Variants in NFIA observed in about 807,000 individuals in gnomAD.
The protein encoded by NFIA is nuclear factor 1 A-type.
NFIA carries 8 observed loss-of-function variants against 62.8 expected under a neutral mutation model. The ratio of observed to expected loss-of-function variants is 0.13; its 90% confidence interval spans 0.07 to 0.23. NFIA has a LOEUF of 0.23. NFIA is among the 10% of genes least tolerant of loss of function. The probability of loss-of-function intolerance (pLI) is 1.00; values close to 1 mark genes in which losing one functional copy is unlikely to be tolerated. For missense variants in NFIA, 410 were observed against 642.1 expected (o/e 0.64, Z 3.91); for synonymous variants, 235 against 238.1 (o/e 0.99, Z 0.12).
chr1:61,303,389 A>G (rs1433733357), intron 3 of NFIA, among the ~76,000 whole-genome samples: 3 of 152,258 alleles, frequency 2.0e-5, no homozygotes, highest in African/African-American at 7.2e-5. Flanking sequence ...TATCTAGTGC[A>G]TGAGATGATA....
At chr1:61,212,496 A>G (rs1035414566) in intron 2 of NFIA, among the ~76,000 whole-genome samples, 3 of 152,218 alleles carry the variant, frequency 2.0e-5, no homozygotes, top group African/African-American at 7.2e-5. Context: ...TGAATAATTG[A>G]ATTAATGAAT....
At chr1:61,276,914 A>G (rs534796215) in intron 2 of NFIA, among the ~76,000 whole-genome samples, 1 of 152,214 alleles carries the variant, frequency 6.6e-6, no homozygotes, top group Non-Finnish European at 1.5e-5. Flanking sequence ...CAAGAAAAAA[A>G]TAATTCTTAT....
intron 2 of NFIA, among the ~76,000 whole-genome samples, chr1:61,099,003 A>C (rs918996648): frequency 1.3e-5 from 2 of 152,206 alleles, no homozygotes; most frequent in Non-Finnish European, 2.9e-5. Context: ...TTGAAGAACT[A>C]ATTGTTCTAA....
At chr1:61,256,545 G>A (rs968520994) in intron 2 of NFIA, among the ~76,000 whole-genome samples, 2 of 152,048 alleles carry the variant, frequency 1.3e-5, no homozygotes, top group African/African-American at 4.8e-5. Flanking sequence ...TGGGCCGTGG[G>A]TTGGACGAGC....
At chr1:61,125,658 A>G (rs1296139523) in intron 2 of NFIA, among the ~76,000 whole-genome samples, 1 of 152,228 alleles carries the variant, frequency 6.6e-6, no homozygotes, top group African/African-American at 2.4e-5. Flanking sequence ...TTTGAAATAA[A>G]GTGGAATGAG....
chr1:61,459,865 A>G lies in NFIA; in HGVS notation c.*4545A>G, dbSNP rs561562814. The G allele has an allele frequency of 6.6e-6, 1 of 152,186 alleles. No individual in the cohort carries two copies. Among genetic ancestry groups the G allele is most frequent in the Admixed American group, 6.5e-5 (1 of 15,294 alleles). The allele number at this position is 152,186 out of a possible 1,614,324, so 9.4% of individuals were successfully genotyped here. A position where few individuals can be genotyped will look rare whatever the true frequency, so the allele number is the denominator to read the frequency against. Reference sequence around the variant, plus strand: ...GGATTCTAAGAATGTCATTTAATGTACTTTGCATCATGTCTCTAGAAATAT... The same window carrying G: ...GGATTCTAAGAATGTCATTTAATGTGCTTTGCATCATGTCTCTAGAAATAT... On this transcript the variant is annotated 3_prime_UTR_variant, in exon 11 of 11. Transcript: ENST00000403491.
At chr1:61,363,741 A>G (rs1203874481) in intron 6 of NFIA, among the ~76,000 whole-genome samples, 1 of 152,166 alleles carries the variant, frequency 6.6e-6, no homozygotes, top group Non-Finnish European at 1.5e-5. Context: ...TATACATAGG[A>G]CACAATATAT....
chr1:61,416,620 TTTGTGTAGTCTAA>T (rs1409650765), intron 9 of NFIA, among the ~76,000 whole-genome samples: 1 of 152,172 alleles, frequency 6.6e-6, no homozygotes, highest in Non-Finnish European at 1.5e-5. Flanking sequence ...GTATTTTAAT[TTTGTGTAGTCTAA>T]TATTTTGGTG....
At chr1:61,134,435 G>A (rs373506205) in intron 2 of NFIA, among the ~76,000 whole-genome samples, 29 of 152,244 alleles carry the variant, frequency 1.9e-4, no homozygotes, top group African/African-American at 7.0e-4. Flanking sequence ...TGGTGAGTCA[G>A]GCTGTAGTGG....
chr1:61,438,178 T>A (rs1318581800), intron 10 of NFIA, among the ~76,000 whole-genome samples: 1 of 152,164 alleles, frequency 6.6e-6, no homozygotes, highest in Non-Finnish European at 1.5e-5. Flanking sequence ...TTGATCTCAG[T>A]ATGTGACCTT....
chr1:61,166,261 T>C (rs369678981), intron 2 of NFIA, among the ~76,000 whole-genome samples: 31 of 152,326 alleles, frequency 2.0e-4, no homozygotes, highest in African/African-American at 7.0e-4. Context: ...CGCATTGAAA[T>C]TGCTGTCTTT....
intron 9 of NFIA, among the ~76,000 whole-genome samples, chr1:61,407,342 G>A (rs1189301301): frequency 1.3e-5 from 2 of 152,190 alleles, no homozygotes; most frequent in Admixed American, 1.3e-4. Flanking sequence ...AAGGAGGAGA[G>A]AAGTCTTGGC....
intron 1 of NFIA, among the ~76,000 whole-genome samples, chr1:61,085,334 A>G (rs145805594): frequency 2.0e-4 from 30 of 152,362 alleles, no homozygotes; most frequent in Admixed American, 4.6e-4. Flanking sequence ...TTCCAGAAAT[A>G]TCAGCATTCA....
intron 10 of NFIA, among the ~76,000 whole-genome samples, chr1:61,448,734 G>A (rs112198888): frequency 0.014 from 2,190 of 152,322 alleles, 46 homozygotes; most frequent in African/African-American, 0.05. Flanking sequence ...AGCAAATGCG[G>A]TGGGCCGGAG....
chr1:61,310,012 T>C (rs1660013448), intron 3 of NFIA, among the ~76,000 whole-genome samples: 1 of 152,254 alleles, frequency 6.6e-6, no homozygotes, highest in Non-Finnish European at 1.5e-5. Flanking sequence ...AAGTCTGTTT[T>C]TAAAGCCATT....
rs139953115 is a variant in NFIA, at chr1:61,442,046, C to A, written c.1513-13257C>A. ...ATGGAATTCGCTAATGCTCCTCAGC[C>A]CTGGGGTCAATACTGTCAAATCTGG... On this transcript the variant is annotated intron_variant, in intron 10 of 10. Coordinates refer to ENST00000403491, the MANE Select transcript of NFIA (RefSeq NM_001134673.4). Among the ~76,000 whole-genome samples the A allele has an allele frequency of 6.2e-3, 946 of 152,220 alleles. 15 individuals carry two copies. Among genetic ancestry groups the A allele is most frequent in the Middle Eastern group, 0.024 (7 of 294 alleles).
chr1:61,102,166 CTG>C (rs1407029494), intron 2 of NFIA, among the ~76,000 whole-genome samples: 4 of 152,242 alleles, frequency 2.6e-5, no homozygotes, highest in African/African-American at 7.2e-5. Flanking sequence ...ATTCTGAACA[CTG>C]TAAATAAAAA....
At chr1:61,165,992 A>G (rs74086491) in intron 2 of NFIA, among the ~76,000 whole-genome samples, 2 of 152,348 alleles carry the variant, frequency 1.3e-5, no homozygotes, top group African/African-American at 4.8e-5. Context: ...ATGCTTAGAC[A>G]GTCTTTTAGA....
In NFIA at chr1:61,083,757, C is replaced by CCCG. The variant is rs532470012; in HGVS notation, c.27+954_27+956dup. On this transcript the variant is annotated intron_variant, in intron 1 of 10. Transcript: ENST00000403491. ...GCGGCCCGGGCCGGACACGGCTCCC[C>CCCG]CCGCCGCCGCCGCCGCCACCACCAC... Among the ~76,000 whole-genome samples, 554 of 151,064 alleles carry CCCG rather than the reference C, an allele frequency of 3.7e-3. 3 individuals are homozygous for CCCG. Among genetic ancestry groups the CCCG allele is most frequent in the South Asian group, 4.6e-3 (22 of 4,818 alleles).
Sources: allele counts gnomAD v4.1 joint callset (sites outside exome capture counted in the v4.1 genomes callset), GRCh38; gene constraint gnomAD v4.1.1; transcripts MANE v1.5; gene names NCBI Gene and HGNC (gene_info 2026-07-23, HGNC 2026-07-21).